The following JAK3 variants were observed in gnomAD, a reference collection of about 807,000 sequenced individuals.
JAK3 encodes the protein tyrosine-protein kinase JAK3.
Under a neutral mutation model 120.8 loss-of-function variants are expected in JAK3, and 88 were observed. That is an observed-to-expected ratio of 0.73 (90% CI 0.61 to 0.87). The LOEUF (loss-of-function observed/expected upper bound fraction) is 0.87. Ranked by LOEUF, JAK3 falls within the 40% of genes least tolerant of loss-of-function variation. JAK3 has a pLI of 0.00. For missense variants in JAK3, 1,254 were observed against 1,501.4 expected, an observed-to-expected ratio of 0.84 and a Z score of 2.72; for synonymous variants, 592 against 628.6, an observed-to-expected ratio of 0.94 and a Z score of 0.87.
chr19:17,834,087 C>T (rs2094219358), intron 17 of JAK3, among the ~76,000 whole-genome samples: 1 of 152,094 alleles, frequency 6.6e-6, no homozygotes. Context: ...GTGGCTCACA[C>T]CTGAAATCCC....
intron 13 of JAK3, 66 bp downstream of exon 13, chr19:17,837,063 G>T: frequency 9.3e-7 from 1 of 1,077,992 alleles, no homozygotes; most frequent in Non-Finnish European, 1.3e-6. Flanking sequence ...GCTCAGAACA[G>T]AGGTGGGAAG....
chr19:17,828,148 C>A (rs2094207530), intron 23 of JAK3, among the ~76,000 whole-genome samples: 1 of 152,146 alleles, frequency 6.6e-6, no homozygotes, highest in Non-Finnish European at 1.5e-5. Flanking sequence ...CCGTAAGAGG[C>A]CCTCTTTGAC....
intron 9 of JAK3, among the ~76,000 whole-genome samples, 155 bp from the exon 10 acceptor site, chr19:17,839,818 G>A (rs1450688048): frequency 6.9e-6 from 1 of 143,896 alleles, no homozygotes; most frequent in Non-Finnish European, 1.5e-5. Flanking sequence ...TTGGCTCACT[G>A]CAACCTCCGC....
chr19:17,828,137 C>A (rs932359499), intron 23 of JAK3, among the ~76,000 whole-genome samples: 1 of 152,148 alleles, frequency 6.6e-6, no homozygotes, highest in African/African-American at 2.4e-5. Flanking sequence ...CAGCGTCGGC[C>A]CCGTAAGAGG....
intron 1 of JAK3, among the ~76,000 whole-genome samples, chr19:17,847,258 CA>C (rs1338786977): frequency 6.6e-6 from 1 of 152,120 alleles, no homozygotes; most frequent in East Asian, 1.9e-4. Context: ...CCCAGCTACT[CA>C]GGGGGCTGAG....
At chr19:17,835,457 T>A (rs1241470860) in intron 14 of JAK3, among the ~76,000 whole-genome samples, 1 of 152,094 alleles carries the variant, frequency 6.6e-6, no homozygotes, top group Non-Finnish European at 1.5e-5. Flanking sequence ...TGACACAAAG[T>A]GAAAGCTCCT....
At position 17,832,574 on chromosome 19, in the gene JAK3, G is replaced by A. The variant is rs2230589; in HGVS notation, c.2625C>T (p.Leu875=). 22,870 of 1,614,212 alleles carry A rather than the reference G, an allele frequency of 0.014. 204 individuals are homozygous for A. The highest frequency in any genetic ancestry group is 0.016 in the Non-Finnish European group (19,420 of 1,180,018). ...CAATGAAATCACTGTGCAGTGCTTT[G>A]AGGATCTGAATCTCCCGCTGAAAGT... The part of the protein sequence containing the change: ...QRDFQREIQI[L]KALHSDFIVK... The change falls in exon 19 of 24, where the codon CTC becomes CTT. Residue 875 remains leucine (L), a synonymous_variant. Coordinates refer to ENST00000458235, the MANE Select transcript of JAK3 (RefSeq NM_000215.4). The surrounding 1 kb of genome is among the most constrained non-coding windows in gnomAD (Gnocchi z 4.7).
At chr19:17,827,025 G>A (rs751861430) in intron 23 of JAK3, 115 bp from the exon 24 acceptor site, 109 of 1,189,950 alleles carry the variant, frequency 9.2e-5, no homozygotes, top group Middle Eastern at 8.6e-4. Context: ...TGTTGTCCAG[G>A]CTGGAGTGCA....
At chr19:17,828,588 T>G (rs1028004655) in intron 23 of JAK3, among the ~76,000 whole-genome samples, 1 of 150,334 alleles carries the variant, frequency 6.7e-6, no homozygotes, top group Non-Finnish European at 1.5e-5. Context: ...AAGGTCTCAC[T>G]ACGTTGCCCA....
rs1262245664 is a variant in JAK3 at position 17,838,377 on chromosome 19, C to T, written c.1455G>A (p.Leu485=). ...CIPRPKEKSN[L]IVVQRGHSPP... is the part of the protein sequence containing the mutation. ...GGCTGTGACCTCTCTGGACCACGAT[C>T]AGGTTGGACTTTTCTATGGGGAGAG... Residue 485 remains leucine, a synonymous_variant, in exon 11 of 24, where the codon CTG becomes CTA. Transcript: ENST00000458235. 6.2e-7 allele frequency: 1 copy of T among 1,614,004 alleles called. No individual in the cohort carries two copies. The highest frequency in any genetic ancestry group is 8.5e-7 in the Non-Finnish European group (1 of 1,180,026).
At position 17,834,729 on chromosome 19, in the gene JAK3, T is replaced by C. The variant is rs1599870286; in HGVS notation, c.2200-8A>G. On this transcript the variant is annotated splice_polypyrimidine_tract_variant and splice_region_variant and intron_variant, in intron 16 of 23. Coordinates refer to ENST00000458235, the MANE Select transcript of JAK3 (RefSeq NM_000215.4). ...CTCATAAAATTGGAGTTTCTGAGGG[T>C]GAGAGGAGCAGTCGGTAATCCCCAA... The C allele has an allele frequency of 1.2e-6, 2 of 1,613,412 alleles. No homozygotes were observed. The highest frequency in any genetic ancestry group is 2.2e-5 in the East Asian group (1 of 44,828).
chr19:17,834,266 G>A (rs1876673259), intron 17 of JAK3, among the ~76,000 whole-genome samples: 1 of 151,980 alleles, frequency 6.6e-6, no homozygotes, highest in Non-Finnish European at 1.5e-5. Flanking sequence ...AGAATCGCTT[G>A]AACTAGAGGT....
intron 12 of JAK3, among the ~76,000 whole-genome samples, chr19:17,837,587 G>T (rs991495215): frequency 1.3e-5 from 2 of 151,906 alleles, no homozygotes; most frequent in Admixed American, 6.6e-5. Context: ...GGCTAATTTT[G>T]TATTTTTAGT....
chr19:17,841,882 A>C lies in JAK3; in HGVS notation c.862-120T>G. On this transcript the variant is annotated intron_variant, in intron 6 of 23. Transcript: ENST00000458235. The surrounding 1 kb of genome is among the most constrained non-coding windows in gnomAD (Gnocchi z 4.1). ...ATCCCTTTGCCATTCAACCCTTCCA[A>C]GCCGCGCCCCCTCCTATCAACTCCA... 7.1e-7 allele frequency: 1 copy of C among 1,399,206 alleles called. No homozygotes were observed. The highest frequency in any genetic ancestry group is 9.8e-7 in the Non-Finnish European group (1 of 1,022,456). 86.7% of individuals were successfully genotyped at this position (1,399,206 alleles called of 1,614,324 possible).
At chr19:17,826,975 A>T (rs934081359) in intron 23 of JAK3, 65 bp from the exon 24 acceptor site, 54 of 1,550,198 alleles carry the variant, frequency 3.5e-5, no homozygotes, top group Non-Finnish European at 4.5e-5. Flanking sequence ...ACTCCCATTC[A>T]GCGTATTTGT....
Position 17,830,332 on chromosome 19 carries a change from T to C in JAK3, c.3097-114A>G, listed in dbSNP as rs2094211528. ...TGTGATGGAGCGGGGAGGGGCTGCCTGAACCGTGAAGGGGTCAGAAAGGTG... is the reference window on the plus strand; with the variant it reads ...TGTGATGGAGCGGGGAGGGGCTGCCCGAACCGTGAAGGGGTCAGAAAGGTG... On this transcript the variant is annotated intron_variant, in intron 22 of 23. Coordinates refer to ENST00000458235, the MANE Select transcript of JAK3 (RefSeq NM_000215.4). 4 of 964,260 alleles carry C rather than the reference T, an allele frequency of 4.1e-6. No homozygotes were observed. The East Asian group carries it at 1.1e-4, about 25-fold the overall frequency. The allele number at this position is 964,260 out of a possible 1,614,324, so 59.7% of individuals were successfully genotyped here.
At position 17,832,761 on chromosome 19, in the gene JAK3, C is replaced by A. The variant is rs1450108890; in HGVS notation, c.2490+29G>T. 6.2e-7 allele frequency: 1 copy of A among 1,614,256 alleles called. No individual in the cohort carries two copies. Among genetic ancestry groups the A allele is most frequent in the East Asian group, 2.2e-5 (1 of 44,894 alleles). ...GCACCTGGATGCTGCCCTGCCCTCT[C>A]CAACCCACCCTGGCCCTGCCCACCT... On this transcript the variant is annotated intron_variant, in intron 18 of 23. Transcript: ENST00000458235. This position sits in a 1 kb window ranked among gnomAD's most constrained non-coding sequence, Gnocchi z 4.7.
intron 10 of JAK3, 195 bp downstream of exon 10, chr19:17,839,282 A>G (rs1259862252): frequency 1.4e-6 from 1 of 693,868 alleles, no homozygotes; most frequent in South Asian, 1.5e-5. Flanking sequence ...CATGGCTCAC[A>G]TCTAGCTGTG....
rs750558618 is a variant in JAK3, at chr19:17,825,234, C to A, written c.*1509G>T. 4.4e-6 allele frequency: 1 copy of A among 229,680 alleles called. No individual in the cohort carries two copies. The highest frequency in any genetic ancestry group is 8.6e-6 in the Non-Finnish European group (1 of 115,812). The allele number at this position is 229,680 out of a possible 1,614,324, so 14.2% of individuals were successfully genotyped here. ...TGCATGGAAGGGGCAAAACTGTAGG[C>A]TCCAATACTTGGGCTCTTAACCTCC... On this transcript the variant is annotated 3_prime_UTR_variant, in exon 24 of 24. Transcript: ENST00000458235.
Sources: allele counts gnomAD v4.1 joint callset (sites outside exome capture counted in the v4.1 genomes callset), GRCh38; gene constraint gnomAD v4.1.1; non-coding constraint Gnocchi (gnomAD v3.1); transcripts MANE v1.5; gene names NCBI Gene and HGNC (gene_info 2026-07-23, HGNC 2026-07-21).